The following CTNND2 variants were observed in gnomAD, a reference collection of about 807,000 sequenced individuals.
CTNND2 encodes catenin delta 2, also known as catenin delta-2.
A neutral mutation model predicts 144.4 loss-of-function variants in CTNND2; 22 were observed. That is an observed-to-expected ratio of 0.15 (90% confidence interval 0.11 to 0.22). CTNND2 has a LOEUF of 0.22. CTNND2 is among the 10% of genes least tolerant of loss of function. The pLI is 1.00. For missense variants in CTNND2, 1,353 were observed against 1,618.8 expected (o/e 0.84, Z 2.82); for synonymous variants, 751 against 695.6 (o/e 1.08, Z -1.25).
At chr5:11,686,893 A>T (rs1428328073) in intron 2 of CTNND2, among the ~76,000 whole-genome samples, 1 of 148,996 alleles carries the variant, frequency 6.7e-6, no homozygotes, top group Non-Finnish European at 1.5e-5. Context: ...ATTTATATAA[A>T]TATATTATCT....
At chr5:10,990,932 C>G (rs947852066) in intron 19 of CTNND2, among the ~76,000 whole-genome samples, 1 of 152,210 alleles carries the variant, frequency 6.6e-6, no homozygotes, top group Non-Finnish European at 1.5e-5. Flanking sequence ...GATTGGCTCA[C>G]TGTAATTCTT....
intron 2 of CTNND2, among the ~76,000 whole-genome samples, chr5:11,643,859 C>A (rs928352214): frequency 2.6e-5 from 4 of 152,064 alleles, no homozygotes; most frequent in Non-Finnish European, 5.9e-5. Flanking sequence ...GCTCTGCATA[C>A]ATGAAGTAAA....
chr5:10,990,491 A>G (rs930158913), intron 19 of CTNND2, among the ~76,000 whole-genome samples: 3 of 152,132 alleles, frequency 2.0e-5, no homozygotes, highest in Non-Finnish European at 4.4e-5. Context: ...CTTCCAGGAA[A>G]GTCTCTCTTC....
intron 14 of CTNND2, among the ~76,000 whole-genome samples, chr5:11,102,902 A>C (rs183595557): frequency 6.6e-6 from 1 of 152,056 alleles, no homozygotes; most frequent in African/African-American, 2.4e-5. Flanking sequence ...AGAAAAGGAA[A>C]AAAGCCTTTC....
At position 11,119,738 on chromosome 5, in the gene CTNND2, C is replaced by T. The variant is rs189921393; in HGVS notation, c.2160-2171G>A. Among the ~76,000 whole-genome samples the T allele has an allele frequency of 1.1e-4, 17 of 152,280 alleles. No individual in the cohort carries two copies. The East Asian group carries it at 2.9e-3, about 26-fold the overall frequency. ...TGCATGGCAATGTGTGATTATGTTT[C>T]GCTCTTTAGCGTGGCAAGTTAGCAT... On this transcript the variant is annotated intron_variant, in intron 12 of 21. Coordinates refer to ENST00000304623, the MANE Select transcript of CTNND2 (RefSeq NM_001332.4).
chr5:11,095,424 T>G (rs1019311666), intron 15 of CTNND2, among the ~76,000 whole-genome samples: 1 of 152,206 alleles, frequency 6.6e-6, no homozygotes, highest in African/African-American at 2.4e-5. Context: ...CATCTGAGGA[T>G]GGCCTGGAAC....
At chr5:11,274,239 C>T (rs1311517649) in intron 9 of CTNND2, among the ~76,000 whole-genome samples, 1 of 152,196 alleles carries the variant, frequency 6.6e-6, no homozygotes, top group Non-Finnish European at 1.5e-5. Flanking sequence ...TTATGAAAAT[C>T]TTACTTTTCA....
chr5:11,309,453 A>C (rs544920859), intron 9 of CTNND2, among the ~76,000 whole-genome samples: 1 of 152,300 alleles, frequency 6.6e-6, no homozygotes, highest in South Asian at 2.1e-4. Context: ...GTAAACTTGA[A>C]TGGAGCCTGT....
chr5:11,129,980 T>G (rs181895252), intron 12 of CTNND2, among the ~76,000 whole-genome samples: 6 of 152,252 alleles, frequency 3.9e-5, no homozygotes, highest in African/African-American at 1.4e-4. Context: ...GCTGGTCTCT[T>G]ATCACAGCCA....
chr5:11,749,914 T>A (rs992990033), intron 1 of CTNND2, among the ~76,000 whole-genome samples: 4 of 152,028 alleles, frequency 2.6e-5, no homozygotes, highest in Non-Finnish European at 5.9e-5. Context: ...TCTTAATGAG[T>A]GCATATCATA....
At chr5:11,329,125 C>T (rs1180583572) in intron 9 of CTNND2, among the ~76,000 whole-genome samples, 4 of 152,132 alleles carry the variant, frequency 2.6e-5, no homozygotes, top group Non-Finnish European at 4.4e-5. Context: ...AATTGGGGCT[C>T]ACCCTAATGG....
intron 18 of CTNND2, among the ~76,000 whole-genome samples, chr5:10,999,030 A>C (rs1739650913): frequency 6.6e-6 from 1 of 152,242 alleles, no homozygotes; most frequent in African/African-American, 2.4e-5. Context: ...GGCCCATGGC[A>C]TAGATCAATC....
In CTNND2 at chr5:11,062,941, A is replaced by G. The variant is rs557234181; in HGVS notation, c.2788+19755T>C. On this transcript the variant is annotated intron_variant, in intron 16 of 21. Transcript: ENST00000304623. Reference sequence around the variant, plus strand: ...TTGCTTAATGCCAGTGTCTGGGTTAAGGAGGAACAACCATGATGATGGACA... The same window carrying G: ...TTGCTTAATGCCAGTGTCTGGGTTAGGGAGGAACAACCATGATGATGGACA... Among the ~76,000 whole-genome samples, 4 of 152,352 alleles carry G rather than the reference A, an allele frequency of 2.6e-5. No individual in the cohort carries two copies. The East Asian group carries it at 7.7e-4, about 29-fold the overall frequency.
intron 9 of CTNND2, among the ~76,000 whole-genome samples, chr5:11,330,508 A>G (rs1753015511): frequency 6.7e-6 from 1 of 148,164 alleles, no homozygotes; most frequent in Non-Finnish European, 1.5e-5. Context: ...AAAAAAAAAA[A>G]AGAAAGGAAA....
intron 3 of CTNND2, among the ~76,000 whole-genome samples, chr5:11,556,834 T>C (rs1776272331): frequency 6.6e-6 from 1 of 152,148 alleles, no homozygotes; most frequent in Non-Finnish European, 1.5e-5. Flanking sequence ...TTAATATTTA[T>C]TACGTTTTAT....
chr5:11,774,861 C>G (rs60700616), intron 1 of CTNND2, among the ~76,000 whole-genome samples: 14,547 of 152,224 alleles, frequency 0.096, 1,878 homozygotes, highest in African/African-American at 0.29. Flanking sequence ...ATATGGAAGA[C>G]ACATCCTTAA....
chr5:11,392,360 G>A (rs972946174), intron 6 of CTNND2, among the ~76,000 whole-genome samples: 2 of 152,198 alleles, frequency 1.3e-5, no homozygotes, highest in African/African-American at 4.8e-5. Context: ...AAGCAATGAT[G>A]TAAGTATCTT....
At chr5:11,342,805 G>A (rs1754410388) in intron 9 of CTNND2, among the ~76,000 whole-genome samples, 1 of 152,082 alleles carries the variant, frequency 6.6e-6, no homozygotes, top group African/African-American at 2.4e-5. Context: ...CTACCAACAT[G>A]ACTGACACTT....
intron 9 of CTNND2, among the ~76,000 whole-genome samples, chr5:11,327,583 T>C (rs1166589648): frequency 1.3e-5 from 2 of 152,208 alleles, no homozygotes; most frequent in African/African-American, 4.8e-5. Context: ...TCTAAGACTG[T>C]TAAGGTCAAG....
Sources: gnomAD v4.1 joint callset for allele counts (sites outside exome capture counted in the v4.1 genomes callset) on GRCh38, gnomAD v4.1.1 for gene constraint, MANE v1.5 for transcripts, NCBI Gene and HGNC (gene_info 2026-07-23, HGNC 2026-07-21) for gene names.